The following SLC37A1 variants were observed in gnomAD, a reference collection of about 807,000 sequenced individuals.
SLC37A1 encodes solute carrier family 37 member 1.
Under a neutral mutation model 75.3 loss-of-function variants are expected in SLC37A1, and 49 were observed. The observed-to-expected ratio is 0.65, with a 90% CI of 0.52 to 0.83. The LOEUF is 0.83. Ranked by LOEUF, SLC37A1 falls within the 40% of genes least tolerant of loss-of-function variation. The pLI, the probability that SLC37A1 is intolerant of heterozygous loss-of-function variation, is 0.00. For missense variants in SLC37A1, 566 were observed against 695.0 expected, an observed-to-expected ratio of 0.81 and a Z score of 2.09; for synonymous variants, 268 against 292.1, an observed-to-expected ratio of 0.92 and a Z score of 0.84.
chr21:42,519,998 GTA>G (rs1486510784), intron 2 of SLC37A1, among the ~76,000 whole-genome samples: 1 of 151,118 alleles, frequency 6.6e-6, no homozygotes, highest in East Asian at 1.9e-4. Flanking sequence ...GTGTGTAGAT[GTA>G]TGTTTGTACA....
At position 42,565,758 on chromosome 21, in the gene SLC37A1, T is replaced by G; in HGVS notation, c.1222-69T>G. On this transcript the variant is annotated intron_variant, in intron 14 of 19. Coordinates refer to ENST00000352133, the MANE Select transcript of SLC37A1 (RefSeq NM_001320537.2). ...AATCACCCGCCGGGTTTTTGAGAAG[T>G]AGATTTCCAGCAATCTCGCACTGCT... The G allele has an allele frequency of 6.9e-6, 10 of 1,438,892 alleles. No homozygotes were observed. The South Asian group carries it at 1.2e-4, about 17-fold the overall frequency. 89.1% of individuals were successfully genotyped at this position (1,438,892 alleles called of 1,614,324 possible).
chr21:42,565,994 G>A, intron 15 of SLC37A1, 119 bp downstream of exon 15: 1 of 1,014,194 alleles, frequency 9.9e-7, no homozygotes, highest in Non-Finnish European at 1.4e-6. Flanking sequence ...AGCACATGGT[G>A]TGGCTAAAAT....
rs529481833 is a variant in SLC37A1 at position 42,547,219 on chromosome 21, G to A, written c.768+79G>A. ...TTCCCCAGCCTGCTCCTGCCTGTGC[G>A]GTGTCAGACAGAAACACACAGGGTA... On this transcript the variant is annotated intron_variant, in intron 9 of 19. Transcript: ENST00000352133. This position sits in a 1 kb window ranked among gnomAD's most constrained non-coding sequence, Gnocchi z 6.1. 79 of 1,512,294 alleles carry A rather than the reference G, an allele frequency of 5.2e-5. No homozygotes were observed. The highest frequency in any genetic ancestry group is 2.7e-4 in the Admixed American group (16 of 59,656). 93.7% of individuals were successfully genotyped at this position (1,512,294 alleles called of 1,614,324 possible). A position where few individuals can be genotyped will look rare whatever the true frequency, so the allele number is the denominator to read the frequency against.
chr21:42,547,113 C>A lies in SLC37A1; in HGVS notation c.741C>A (p.Asp247Glu). The change falls in exon 9 of 20, where the codon GAC (aspartate) becomes GAA (glutamate). Residue 247 changes from aspartate (D) to glutamate (E), a missense_variant. Coordinates refer to ENST00000352133, the MANE Select transcript of SLC37A1 (RefSeq NM_001320537.2). The surrounding 1 kb of genome is among the most constrained non-coding windows in gnomAD (Gnocchi z 6.1). Reference sequence around the variant, plus strand: ...TGTTTGCTCTTTCAGATCCGAACGACGTCAGGTGCTCCTCCACCCTGGTGA... The same window carrying A: ...TGTTTGCTCTTTCAGATCCGAACGAAGTCAGGTGCTCCTCCACCCTGGTGA... ...CFLFLIEHPN[D>E]VRCSSTLVTH... The A allele has an allele frequency of 6.2e-7, 1 of 1,614,194 alleles. No individual in the cohort carries two copies. Among genetic ancestry groups the A allele is most frequent in the South Asian group, 1.1e-5 (1 of 91,084 alleles).
At chr21:42,530,601 C>T (rs1013482844) in intron 3 of SLC37A1, among the ~76,000 whole-genome samples, 4 of 34,210 alleles carry the variant, frequency 1.2e-4, no homozygotes, top group African/African-American at 7.0e-4. Flanking sequence ...ATGATACACA[C>T]ACACACACAC....
At chr21:42,508,549 TA>T (rs2054405780) in intron 2 of SLC37A1, 1 of 152,226 alleles carries the variant, frequency 6.6e-6, no homozygotes, top group Non-Finnish European at 1.5e-5. Context: ...TATTTCCACA[TA>T]CCTGACCTCA....
rs375892714 is a variant in SLC37A1, at chr21:42,523,336, A to C, written c.57-2440A>C. The stretch of plus-strand genomic sequence containing the variant: ...CAGTGAGGGCCGATCAGGGTCACCC[A>C]TCAGCCTTACTTGCCCTAGTCAGCT... On this transcript the variant is annotated intron_variant, in intron 2 of 19. Coordinates refer to ENST00000352133, the MANE Select transcript of SLC37A1 (RefSeq NM_001320537.2). 9.8e-5 allele frequency among the ~76,000 whole-genome samples: 15 copies of C among 152,360 alleles called. 4 individuals carry two copies. Among genetic ancestry groups the C allele is most frequent in the East Asian group, 1.9e-4 (1 of 5,184 alleles).
At chr21:42,571,694 C>T (rs1438450039) in intron 17 of SLC37A1, among the ~76,000 whole-genome samples, 2 of 151,932 alleles carry the variant, frequency 1.3e-5, no homozygotes, top group South Asian at 2.1e-4. Flanking sequence ...CACCCCTCCT[C>T]CTCCTCAGTT....
At chr21:42,529,769 AT>A (rs1451092530) in intron 3 of SLC37A1, among the ~76,000 whole-genome samples, 1 of 152,158 alleles carries the variant, frequency 6.6e-6, no homozygotes, top group African/African-American at 2.4e-5. Flanking sequence ...GGTATTCCAT[AT>A]GCAAATTAAG....
chr21:42,525,915 G>C, intron 3 of SLC37A1, 58 bp downstream of exon 3: 6 of 1,319,528 alleles, frequency 4.5e-6, no homozygotes, highest in Non-Finnish European at 6.6e-6. Flanking sequence ...CACTTGAAAA[G>C]CTTGTGGGGC....
chr21:42,577,921 C>A (rs938591618), intron 18 of SLC37A1, among the ~76,000 whole-genome samples: 15 of 152,204 alleles, frequency 9.9e-5, no homozygotes, highest in African/African-American at 3.6e-4. Flanking sequence ...AGAAAGAGAC[C>A]TAAAGCTGAA....
intron 10 of SLC37A1, among the ~76,000 whole-genome samples, chr21:42,558,244 G>A (rs1026673969): frequency 3.9e-5 from 6 of 152,174 alleles, no homozygotes; most frequent in South Asian, 2.1e-4. Flanking sequence ...CTTTAGGAAC[G>A]TCTAGACAAT....
chr21:42,549,356 C>T (rs924186947), intron 9 of SLC37A1, among the ~76,000 whole-genome samples: 15 of 152,166 alleles, frequency 9.9e-5, no homozygotes, highest in African/African-American at 3.4e-4. Flanking sequence ...TGCTTCTGCT[C>T]CTCGTGTGTA....
At chr21:42,507,980 C>A (rs922606203) in intron 2 of SLC37A1, among the ~76,000 whole-genome samples, 2 of 152,088 alleles carry the variant, frequency 1.3e-5, no homozygotes, top group Non-Finnish European at 2.9e-5. Flanking sequence ...TAATTTCATT[C>A]TCCCATCAGA....
At chr21:42,539,415 G>A in intron 5 of SLC37A1, 97 bp from the exon 6 acceptor site, 2 of 1,384,864 alleles carry the variant, frequency 1.4e-6, no homozygotes, top group Non-Finnish European at 2.0e-6. Flanking sequence ...CAAGCTCAGA[G>A]AACAGCATGA....
At chr21:42,554,225 T>A in intron 10 of SLC37A1, 83 bp downstream of exon 10, 1 of 1,172,590 alleles carries the variant, frequency 8.5e-7, no homozygotes, top group Non-Finnish European at 1.2e-6. Context: ...TCTGTCCCTC[T>A]GCCTATGTGA....
intron 5 of SLC37A1, among the ~76,000 whole-genome samples, chr21:42,536,188 C>G (rs1168096619): frequency 6.6e-6 from 1 of 152,210 alleles, no homozygotes; most frequent in East Asian, 1.9e-4. Context: ...GATCTGAACC[C>G]CAGCTCTACC....
At chr21:42,571,508 G>A (rs2056163491) in intron 17 of SLC37A1, among the ~76,000 whole-genome samples, 3 of 152,260 alleles carry the variant, frequency 2.0e-5, no homozygotes, top group African/African-American at 2.4e-5. Flanking sequence ...TTATTATGTT[G>A]TACAGCGGCG....
chr21:42,563,318 G>A (rs768506533), intron 12 of SLC37A1, among the ~76,000 whole-genome samples: 4 of 152,320 alleles, frequency 2.6e-5, no homozygotes, highest in South Asian at 2.1e-4. Context: ...GATTCGGAAC[G>A]GCTGGGTTTG....
Sources: allele counts gnomAD v4.1 joint callset (sites outside exome capture counted in the v4.1 genomes callset), GRCh38; gene constraint gnomAD v4.1.1; non-coding constraint Gnocchi (gnomAD v3.1); transcripts MANE v1.5; gene names NCBI Gene and HGNC (gene_info 2026-07-23, HGNC 2026-07-21).